The following NEIL3 variants were observed in gnomAD, a reference collection of about 807,000 sequenced individuals.
The protein encoded by NEIL3 is endonuclease 8-like 3.
Under a neutral mutation model 57.5 loss-of-function variants are expected in NEIL3, and 48 were observed. The ratio of observed to expected loss-of-function variants is 0.83; its 90% CI spans 0.66 to 1.06. The LOEUF (loss-of-function observed/expected upper bound fraction) is 1.06. Among genes scored for constraint, NEIL3 ranks in the 50% least tolerant of loss-of-function variants. NEIL3 has a pLI of 0.00. For missense variants in NEIL3, 717 were observed against 739.1 expected (o/e 0.97, Z 0.35); for synonymous variants, 261 against 253.2 (o/e 1.03, Z -0.29).
chr4:177,362,639 T>C lies in NEIL3; in HGVS notation c.*168T>C. The C allele has an allele frequency of 1.9e-6, 1 of 533,178 alleles. No homozygotes were observed. Among genetic ancestry groups the C allele is most frequent in the Non-Finnish European group, 3.2e-6 (1 of 312,388 alleles). The allele number at this position is 533,178 out of a possible 1,614,324, so 33.0% of individuals were successfully genotyped here. On this transcript the variant is annotated 3_prime_UTR_variant, in exon 10 of 10. Transcript: ENST00000264596. ...TGTGTGCCATCTTTCCATTGTTGGC[T>C]ACGTCTTTTCTTTTGCCTTGATGAA...
intron 7 of NEIL3, 131 bp from the exon 8 acceptor site, chr4:177,353,177 G>A (rs1244815468): frequency 1.4e-6 from 1 of 691,164 alleles, no homozygotes; most frequent in Non-Finnish European, 2.4e-6. Flanking sequence ...CTAACTTTGT[G>A]TTATTAGTTC....
At chr4:177,339,577 G>A (rs1048228988) in intron 4 of NEIL3, among the ~76,000 whole-genome samples, 6 of 152,164 alleles carry the variant, frequency 3.9e-5, no homozygotes, top group African/African-American at 9.7e-5. Flanking sequence ...GAAGAGGAGG[G>A]GTTGGTCTTG....
rs1195261007 is a variant in NEIL3 at position 177,311,669 on chromosome 4, T to C, written c.156+1560T>C. ...AGCCTGGGCAACAAGAGCGAAACTC[T>C]GTCTCAAAAAAAAAAAAAAAAAAAA... On this transcript the variant is annotated intron_variant, in intron 1 of 9. Transcript: ENST00000264596. Among the ~76,000 whole-genome samples, 13 of 130,662 alleles carry C rather than the reference T, an allele frequency of 9.9e-5. 1 individual carries two copies. In the Admixed American group the frequency reaches 1.0e-3, roughly 10 times the overall value. The allele number at this position is 130,662 out of a possible 152,430, so 85.7% of individuals were successfully genotyped here. A position where few individuals can be genotyped will look rare whatever the true frequency, so the allele number is the denominator to read the frequency against.
rs140078858 is a variant in NEIL3, at chr4:177,362,416, A to G, written c.1763A>G (p.Asn588Ser). 4.2e-4 allele frequency: 685 copies of G among 1,613,540 alleles called. 3 individuals carry two copies. The African/African-American group carries it at 7.0e-3, about 16-fold the overall frequency. ...VCPLGKEKQC[N>S]FFQWAENGPG... is the part of the protein sequence containing the mutation. Reference sequence around the variant, plus strand: ...CCTCTTGGGAAGGAAAAACAATGCAATTTTTTCCAGTGGGCAGAAAATGGG... The same window carrying G: ...CCTCTTGGGAAGGAAAAACAATGCAGTTTTTTCCAGTGGGCAGAAAATGGG... Residue 588 changes from asparagine (N) to serine (S), a missense_variant, in exon 10 of 10, where the codon AAT becomes AGT. By Grantham distance (46) the Asn-to-Ser change is conservative. Coordinates refer to ENST00000264596, the MANE Select transcript of NEIL3 (RefSeq NM_018248.3).
intron 7 of NEIL3, 61 bp downstream of exon 7, chr4:177,351,610 C>A: frequency 7.6e-7 from 1 of 1,317,080 alleles, no homozygotes; most frequent in Non-Finnish European, 1.1e-6. Context: ...TATACAAAGT[C>A]AGGAATATAT....
chr4:177,365,486 A>G (rs910279858), downstream of NEIL3, among the ~76,000 whole-genome samples: 1 of 152,224 alleles, frequency 6.6e-6, no homozygotes, highest in African/African-American at 2.4e-5. Flanking sequence ...GCAAACATTT[A>G]TTCTGTGAGT....
rs138706339 is a variant in NEIL3, at chr4:177,322,512, A to C, written c.210A>C (p.Gly70=). The C allele has an allele frequency of 6.2e-6, 10 of 1,613,846 alleles. No individual in the cohort carries two copies. The African/African-American group carries it at 1.3e-4, about 22-fold the overall frequency. The change falls in exon 2 of 10, where the codon GGA becomes GGC. Residue 70 remains glycine (G), a synonymous_variant. Coordinates refer to ENST00000264596, the MANE Select transcript of NEIL3 (RefSeq NM_018248.3). ...SSQNVLSLFN[G]YVYSGVETLG... ...AGAATGTCTTGAGCCTGTTTAATGG[A>C]TATGTTTACAGTGGCGTGGAAACTT...
rs144274130 is a variant in NEIL3 at position 177,344,517 on chromosome 4, A to T, written c.869+2875A>T. 2.2e-3 allele frequency among the ~76,000 whole-genome samples: 338 copies of T among 152,088 alleles called. 4 individuals are homozygous for T. Among genetic ancestry groups the T allele is most frequent in the African/African-American group, 6.2e-3 (258 of 41,500 alleles). On this transcript the variant is annotated intron_variant, in intron 6 of 9. Coordinates refer to ENST00000264596, the MANE Select transcript of NEIL3 (RefSeq NM_018248.3). ...CAATTTTCCAGTTTCTACTGATCAT[A>T]TCACACTTTTAATACTGATGCTATT...
rs749391559 is a variant in NEIL3 at position 177,348,858 on chromosome 4, A to ATTTTTTT, written c.870-2501_870-2495dup. On this transcript the variant is annotated intron_variant, in intron 6 of 9. Transcript: ENST00000264596. ...AGAATTGCAGATTGGTGGCTCATGAATTTTTTTTTTTTTTTTTTTTTTTTT... is the reference window on the plus strand; with the variant it reads ...AGAATTGCAGATTGGTGGCTCATGAATTTTTTTTTTTTTTTTTTTTTTTTTTTTTTTT... Among the ~76,000 whole-genome samples, 330 of 73,734 alleles carry ATTTTTTT rather than the reference A, an allele frequency of 4.5e-3. 55 individuals are homozygous for ATTTTTTT. Among genetic ancestry groups the ATTTTTTT allele is most frequent in the East Asian group, 0.011 (26 of 2,300 alleles). The allele number at this position is 73,734 out of a possible 152,430, so 48.4% of individuals were successfully genotyped here.
At position 177,339,513 on chromosome 4, in the gene NEIL3, G is replaced by A. The variant is rs181685276; in HGVS notation, c.628-270G>A. 3.9e-5 allele frequency among the ~76,000 whole-genome samples: 6 copies of A among 152,150 alleles called. No individual in the cohort carries two copies. The East Asian group carries it at 5.8e-4, about 15-fold the overall frequency. ...ATTTACTACTCATTAAGTGGAAGTC[G>A]GTCATCATAAAGTTATTGCTCCTCA... On this transcript the variant is annotated intron_variant, in intron 4 of 9. Transcript: ENST00000264596.
At chr4:177,364,909 AGAGT>A (rs1005228242), downstream of NEIL3, among the ~76,000 whole-genome samples, 141 of 150,846 alleles carry the variant, frequency 9.3e-4, 1 homozygote, top group African/African-American at 3.3e-3. Flanking sequence ...GCCTGGTGAC[AGAGT>A]GAGACTCTGT....
rs1734975331 is a variant in NEIL3, at chr4:177,336,199, G to A, written c.505G>A (p.Val169Ile). ...EFSFLRAESE[V>I]KKQKGRMLGD... ...TAGTTTCTTGAGAGCAGAAAGTGAA[G>A]TTAAAAAACAGAAAGGCCGGATGCT... The change falls in exon 4 of 10, where the codon GTT (valine) becomes ATT (isoleucine). Residue 169 changes from valine to isoleucine, a missense_variant. Physicochemically the swap from Val to Ile is conservative, Grantham distance 29 (BLOSUM62 3). Transcript: ENST00000264596. The A allele has an allele frequency of 6.2e-7, 1 of 1,614,070 alleles. No individual in the cohort carries two copies. Among genetic ancestry groups the A allele is most frequent in the East Asian group, 2.2e-5 (1 of 44,886 alleles).
In NEIL3 at chr4:177,360,588, C is replaced by T. The variant is rs767326288; in HGVS notation, c.1546C>T (p.Leu516Phe). The T allele has an allele frequency of 6.2e-7, 1 of 1,613,970 alleles. No homozygotes were observed. Among genetic ancestry groups the T allele is most frequent in the East Asian group, 2.2e-5 (1 of 44,872 alleles). The stretch of plus-strand genomic sequence containing the variant: ...CAGTAAACACAACCGCCTCTGCATT[C>T]TCCGAGTTGTGGGGAAGGATGGGGA... ...RCSKHNRLCI[L>F]RVVGKDGENK... Residue 516 changes from leucine (L) to phenylalanine (F), a missense_variant, in exon 9 of 10, where the codon CTC (leucine) becomes TTC (phenylalanine). Leu to Phe is a conservative substitution (Grantham distance 22). Coordinates refer to ENST00000264596, the MANE Select transcript of NEIL3 (RefSeq NM_018248.3).
At chr4:177,335,516 G>A (rs1318244794) in intron 2 of NEIL3, among the ~76,000 whole-genome samples, 172 bp from the exon 3 acceptor site, 1 of 151,988 alleles carries the variant, frequency 6.6e-6, no homozygotes, top group African/African-American at 2.4e-5. Context: ...AGGATACAAA[G>A]TCATGAGAGA....
intron 6 of NEIL3, among the ~76,000 whole-genome samples, chr4:177,344,821 C>G (rs543523429): frequency 6.6e-6 from 1 of 152,202 alleles, no homozygotes; most frequent in Non-Finnish European, 1.5e-5. Flanking sequence ...CTTGGCCTCC[C>G]AAAGTGCTGG....
Position 177,353,613 on chromosome 4 carries a change from A to T in NEIL3, c.1345A>T (p.Ile449Leu). 6.2e-7 allele frequency: 1 copy of T among 1,613,752 alleles called. No individual in the cohort carries two copies. Among genetic ancestry groups the T allele is most frequent in the Non-Finnish European group, 8.5e-7 (1 of 1,179,674 alleles). Residue 449 changes from isoleucine (I) to leucine (L), a missense_variant, in exon 8 of 10, where the codon ATA becomes TTA. Physicochemically the swap from Ile to Leu is conservative, Grantham distance 5. Coordinates refer to ENST00000264596, the MANE Select transcript of NEIL3 (RefSeq NM_018248.3). ...DITQPSSKVN[I>L]SPTISSESKL... ...AACTCAACCATCCAGCAAAGTAAACATATCACCTACAATCAGTTCAGAATC... is the reference window on the plus strand; with the variant it reads ...AACTCAACCATCCAGCAAAGTAAACTTATCACCTACAATCAGTTCAGAATC...
intron 1 of NEIL3, among the ~76,000 whole-genome samples, chr4:177,320,358 C>T (rs1026474275): frequency 6.6e-6 from 1 of 151,830 alleles, no homozygotes; most frequent in Non-Finnish European, 1.5e-5. Context: ...AGAGTTCATC[C>T]CAGAAAGGGC....
chr4:177,370,784 C>T, the NEIL3 span, among the ~76,000 whole-genome samples: 1 of 151,992 alleles, frequency 6.6e-6, no homozygotes, highest in Non-Finnish European at 1.5e-5. Flanking sequence ...ACCTGTAGTC[C>T]CAGCTATGTG....
intron 2 of NEIL3, among the ~76,000 whole-genome samples, chr4:177,330,647 A>C (rs1241210140): frequency 6.6e-6 from 1 of 152,222 alleles, no homozygotes; most frequent in African/African-American, 2.4e-5. Flanking sequence ...AGCTCAATGC[A>C]GTCCAATATA....
Sources: allele counts gnomAD v4.1 joint callset (sites outside exome capture counted in the v4.1 genomes callset), GRCh38; gene constraint gnomAD v4.1.1; transcripts MANE v1.5; gene names NCBI Gene and HGNC (gene_info 2026-07-23, HGNC 2026-07-21).